The following TFAP2D variants were observed in gnomAD, a reference collection of about 807,000 sequenced individuals.
The protein encoded by TFAP2D is transcription factor AP-2 delta.
A neutral mutation model predicts 43.6 loss-of-function variants in TFAP2D; 9 were observed. That is an observed-to-expected ratio of 0.21 (90% CI 0.12 to 0.36). The LOEUF (loss-of-function observed/expected upper bound fraction) is 0.36, where lower values mean the gene tolerates loss of function less well. Ranked by LOEUF, TFAP2D falls within the 10% of genes least tolerant of loss-of-function variation. The pLI is 1.00. For synonymous variants in TFAP2D, 256 were observed against 224.9 expected, an observed-to-expected ratio of 1.14 and a Z score of -1.24; for missense variants, 513 against 561.4, an observed-to-expected ratio of 0.91 and a Z score of 0.87.
At chr6:50,750,908 T>C (rs1411531196) in intron 6 of TFAP2D, among the ~76,000 whole-genome samples, 1 of 152,024 alleles carries the variant, frequency 6.6e-6, no homozygotes, top group African/African-American at 2.4e-5. Flanking sequence ...TCATTTCATA[T>C]GGGGTTCCCC....
At chr6:50,714,156 G>T in intron 1 of TFAP2D, 62 bp downstream of exon 1, 1 of 1,538,104 alleles carries the variant, frequency 6.5e-7, no homozygotes. Flanking sequence ...CGGCGGCGGT[G>T]GCGGCGGTGG....
intron 5 of TFAP2D, among the ~76,000 whole-genome samples, chr6:50,731,064 C>G (rs1477826231): frequency 6.6e-6 from 1 of 152,044 alleles, no homozygotes; most frequent in Admixed American, 6.6e-5. Context: ...GGATATCCTG[C>G]ATGGGAATTA....
At chr6:50,763,811 T>G (rs148232607) in intron 7 of TFAP2D, among the ~76,000 whole-genome samples, 58 of 152,252 alleles carry the variant, frequency 3.8e-4, no homozygotes, top group African/African-American at 1.3e-3. Context: ...GTGAAAATTA[T>G]AGGAACAAAA....
At chr6:50,729,409 A>G (rs1354305177) in intron 5 of TFAP2D, 97 bp downstream of exon 5, 2 of 978,370 alleles carry the variant, frequency 2.0e-6, no homozygotes, top group Non-Finnish European at 3.1e-6. Context: ...TGTCTGTACC[A>G]TTAAGCAAGT....
At position 50,759,602 on chromosome 6, in the gene TFAP2D, T is replaced by G. The variant is rs551939490; in HGVS notation, c.1139+8278T>G. Among the ~76,000 whole-genome samples, 8 of 152,158 alleles carry G rather than the reference T, an allele frequency of 5.3e-5. No homozygotes were observed. In the East Asian group the frequency reaches 1.2e-3, roughly 22 times the overall value. On this transcript the variant is annotated intron_variant, in intron 7 of 7. Coordinates refer to ENST00000008391, the MANE Select transcript of TFAP2D (RefSeq NM_172238.4). ...CTCTATTCCAAACAGAAAATACATC[T>G]GATAGGGAGAAATGTAACAAGATGG... is the stretch of plus-strand genomic sequence containing the variant.
chr6:50,766,684 C>T (rs1195655608), intron 7 of TFAP2D, among the ~76,000 whole-genome samples: 12 of 24,276 alleles, frequency 4.9e-4, no homozygotes, highest in Admixed American at 4.2e-3. Flanking sequence ...TTTTTTGAGA[C>T]GGAGTCTCGC....
At chr6:50,755,895 A>AT (rs1364150684) in intron 7 of TFAP2D, among the ~76,000 whole-genome samples, 3 of 151,806 alleles carry the variant, frequency 2.0e-5, no homozygotes, top group South Asian at 2.1e-4. Context: ...ATTTTATTTT[A>AT]TTTTTTGTGA....
chr6:50,766,185 G>C (rs1033888522), intron 7 of TFAP2D, among the ~76,000 whole-genome samples: 1 of 151,986 alleles, frequency 6.6e-6, no homozygotes, highest in Non-Finnish European at 1.5e-5. Context: ...CATATATGAG[G>C]GTTTGTTTCT....
intron 7 of TFAP2D, among the ~76,000 whole-genome samples, chr6:50,766,947 C>T (rs573381150): frequency 7.9e-5 from 12 of 152,228 alleles, no homozygotes; most frequent in South Asian, 4.1e-4. Flanking sequence ...GGATTACAGG[C>T]GTGAGCCACC....
At chr6:50,740,473 G>A (rs1422594049) in intron 5 of TFAP2D, among the ~76,000 whole-genome samples, 6 of 151,898 alleles carry the variant, frequency 4.0e-5, no homozygotes, top group African/African-American at 9.7e-5. Context: ...TCACTTTGTC[G>A]CCCAGGCTGG....
intron 3 of TFAP2D, among the ~76,000 whole-genome samples, chr6:50,725,456 T>G (rs904843988): frequency 6.6e-6 from 1 of 152,216 alleles, no homozygotes; most frequent in African/African-American, 2.4e-5. Context: ...GAACTGTATA[T>G]GGAAAAGGGA....
intron 3 of TFAP2D, among the ~76,000 whole-genome samples, chr6:50,725,194 A>T (rs6917148): frequency 6.6e-6 from 1 of 152,094 alleles, no homozygotes; most frequent in Non-Finnish European, 1.5e-5. Flanking sequence ...ATCTGCATCC[A>T]TGTATTTTGT....
chr6:50,749,717 T>C (rs1276679220), intron 6 of TFAP2D, among the ~76,000 whole-genome samples: 1 of 151,902 alleles, frequency 6.6e-6, no homozygotes, highest in Non-Finnish European at 1.5e-5. Context: ...AAAACAGGTA[T>C]ATTTCATAAA....
intron 5 of TFAP2D, among the ~76,000 whole-genome samples, chr6:50,740,602 A>AT (rs34083239): frequency 0.3 from 46,004 of 151,254 alleles, 7,152 homozygotes; most frequent in East Asian, 0.43. Context: ...CCAGCTAAAT[A>AT]TTTTTTTTGT....
intron 7 of TFAP2D, among the ~76,000 whole-genome samples, chr6:50,752,157 G>A (rs1769209004): frequency 6.6e-6 from 1 of 151,706 alleles, no homozygotes; most frequent in Non-Finnish European, 1.5e-5. Context: ...TGTATTATTG[G>A]AGTCATATGT....
At position 50,728,966 on chromosome 6, in the gene TFAP2D, C is replaced by G; in HGVS notation, c.709C>G (p.Arg237Gly). 1 of 1,613,946 alleles carries G rather than the reference C, an allele frequency of 6.2e-7. No homozygotes were observed. The highest frequency in any genetic ancestry group is 8.5e-7 in the Non-Finnish European group (1 of 1,179,934). Residue 237 changes from arginine to glycine, a missense_variant, in exon 4 of 8, where the codon CGC (arginine) becomes GGC (glycine). This residue lies in a region of TFAP2D where 311 missense variants were observed against 316.2 expected (regional missense o/e 0.98). Transcript: ENST00000008391. Reference sequence around the variant, plus strand: ...GGTGACCATTGCTGAGGTAAAGAGGCGCCTCTCCCCACCTGAGTGCCTCAA... The same window carrying G: ...GGTGACCATTGCTGAGGTAAAGAGGGGCCTCTCCCCACCTGAGTGCCTCAA... ...YKVTIAEVKRRLSPPECLNAS... is the reference protein window; with the variant it reads ...YKVTIAEVKRGLSPPECLNAS...
At chr6:50,740,084 C>G (rs923619994) in intron 5 of TFAP2D, among the ~76,000 whole-genome samples, 2 of 152,164 alleles carry the variant, frequency 1.3e-5, no homozygotes, top group Non-Finnish European at 2.9e-5. Flanking sequence ...TAAGAATTTA[C>G]TTAATTCGCA....
At position 50,728,881 on chromosome 6, in the gene TFAP2D, A is replaced by G. The variant is rs1768844723; in HGVS notation, c.624A>G (p.Thr208=). 1.2e-6 allele frequency: 2 copies of G among 1,613,896 alleles called. No homozygotes were observed. The highest frequency in any genetic ancestry group is 1.3e-5 in the African/African-American group (1 of 74,908). ...GTGGCACCTGTGTGGTCAACCCCAC[A>G]GACTTATTTTGCTCTGTCCCTGGCC... The part of the protein sequence containing the change: ...RRGGTCVVNP[T]DLFCSVPGRL... The change falls in exon 4 of 8, where the codon ACA becomes ACG. Residue 208 remains threonine (T), a synonymous_variant. Transcript: ENST00000008391.
chr6:50,767,001 A>T (rs1394281147), intron 7 of TFAP2D, among the ~76,000 whole-genome samples: 1 of 152,042 alleles, frequency 6.6e-6, no homozygotes, highest in African/African-American at 2.4e-5. Flanking sequence ...TTTTTCACAT[A>T]GTTCACTGGT....
Sources: gnomAD v4.1 joint callset for allele counts (sites outside exome capture counted in the v4.1 genomes callset) on GRCh38, gnomAD v4.1.1 for gene constraint, gnomAD v4.1.1 regional missense constraint, MANE v1.5 for transcripts, NCBI Gene and HGNC (gene_info 2026-07-23, HGNC 2026-07-21) for gene names.